FHOD3: variants seen among roughly 807,000 people sequenced by gnomAD.
The protein encoded by FHOD3 is FH1/FH2 domain-containing protein 3.
Under a neutral mutation model 173.0 loss-of-function variants are expected in FHOD3, and 90 were observed. The ratio of observed to expected loss-of-function variants is 0.52; its 90% confidence interval spans 0.44 to 0.62. FHOD3 has a LOEUF of 0.62. FHOD3 is among the 20% of genes least tolerant of loss of function. The pLI, the probability that FHOD3 is intolerant of heterozygous loss-of-function variation, is 0.00. For synonymous variants in FHOD3, 828 were observed against 823.0 expected (o/e 1.01, Z -0.10); for missense variants, 1,945 against 2,034.7 (o/e 0.96, Z 0.85).
chr18:36,772,508 C>T (rs934032827), intron 28 of FHOD3, among the ~76,000 whole-genome samples: 3 of 152,248 alleles, frequency 2.0e-5, no homozygotes, highest in African/African-American at 7.2e-5. Context: ...TAGTTCTGCT[C>T]TTGCAGGAAA....
intron 1 of FHOD3, among the ~76,000 whole-genome samples, chr18:36,330,373 G>A (rs1418657078): frequency 1.3e-5 from 2 of 152,160 alleles, no homozygotes; most frequent in African/African-American, 2.4e-5. Context: ...GAGCACTGTC[G>A]AGTGCTCTAT....
chr18:36,526,048 C>G (rs1166987735), intron 5 of FHOD3, among the ~76,000 whole-genome samples: 2 of 152,240 alleles, frequency 1.3e-5, no homozygotes, highest in East Asian at 3.8e-4. Flanking sequence ...GCCACCCTTG[C>G]TCTTCTTCAG....
At chr18:36,712,509 T>G (rs1163737801) in intron 18 of FHOD3, among the ~76,000 whole-genome samples, 1 of 151,320 alleles carries the variant, frequency 6.6e-6, no homozygotes, top group Non-Finnish European at 1.5e-5. Context: ...AATAGTAGAT[T>G]GGAGACAACA....
At chr18:36,312,645 A>G (rs759188004) in intron 1 of FHOD3, among the ~76,000 whole-genome samples, 7 of 152,176 alleles carry the variant, frequency 4.6e-5, no homozygotes, top group Non-Finnish European at 1.0e-4. Flanking sequence ...CTTGGAGTCT[A>G]CCTGCTTCTC....
intron 6 of FHOD3, 109 bp downstream of exon 6, chr18:36,576,654 C>A: frequency 1.3e-6 from 1 of 743,344 alleles, no homozygotes; most frequent in Non-Finnish European, 2.2e-6. Context: ...TTTTTTCAAG[C>A]CGTTACAGTA....
intron 28 of FHOD3, among the ~76,000 whole-genome samples, chr18:36,772,856 C>T (rs1187950454): frequency 2.0e-5 from 3 of 152,204 alleles, no homozygotes; most frequent in African/African-American, 7.2e-5. Flanking sequence ...CAGATTCTAT[C>T]CAAGGATCTC....
chr18:36,694,976 G>GGGGTGT (rs138882850), intron 17 of FHOD3, among the ~76,000 whole-genome samples: 3 of 149,144 alleles, frequency 2.0e-5, no homozygotes, highest in African/African-American at 7.4e-5. Context: ...TGTATACGTG[G>GGGGTGT]GTGTGTGTGT....
chr18:36,418,721 C>T (rs772375787), intron 3 of FHOD3, among the ~76,000 whole-genome samples: 7 of 151,958 alleles, frequency 4.6e-5, no homozygotes, highest in African/African-American at 1.2e-4. Flanking sequence ...TTGAGACCAC[C>T]GTGGGCAATA....
At chr18:36,574,553 A>G (rs1305512128) in intron 5 of FHOD3, among the ~76,000 whole-genome samples, 1 of 152,154 alleles carries the variant, frequency 6.6e-6, no homozygotes, top group African/African-American at 2.4e-5. Flanking sequence ...GCTGCATTCA[A>G]ATGCTGCATA....
At chr18:36,541,321 G>A (rs574702725) in intron 5 of FHOD3, among the ~76,000 whole-genome samples, 62 of 151,248 alleles carry the variant, frequency 4.1e-4, no homozygotes, top group Middle Eastern at 3.4e-3. Context: ...CCTCATGCCT[G>A]TAATCCCAGC....
intron 2 of FHOD3, among the ~76,000 whole-genome samples, chr18:36,363,658 G>A (rs912071045): frequency 6.6e-6 from 1 of 152,136 alleles, no homozygotes; most frequent in Non-Finnish European, 1.5e-5. Context: ...TGGGTAGGGA[G>A]GGATGAACAG....
chr18:36,297,869 G>A lies in FHOD3; in HGVS notation c.34G>A (p.Asp12Asn). The A allele has an allele frequency of 1.3e-6, 2 of 1,545,344 alleles. No homozygotes were observed. Among genetic ancestry groups the A allele is most frequent in the South Asian group, 2.4e-5 (2 of 83,300 alleles). Residue 12 changes from aspartate (D) to asparagine (N), a missense_variant, in exon 1 of 29, where the codon GAC (aspartate) becomes AAC (asparagine). Transcript: ENST00000590592. ...GCTGGCTTGCCGGGTGCAGTTCTTG[G>A]ACGACACGGACCCTTTCAACAGCAC... ...ATLACRVQFL[D>N]DTDPFNSTNF...
Position 36,779,754 on chromosome 18 carries a change from C to T in FHOD3, c.*224C>T. 1 of 551,192 alleles carries T rather than the reference C, an allele frequency of 1.8e-6. No individual in the cohort carries two copies. The highest frequency in any genetic ancestry group is 3.2e-6 in the Non-Finnish European group (1 of 311,112). The allele number at this position is 551,192 out of a possible 1,614,324, so 34.1% of individuals were successfully genotyped here. A position where few individuals can be genotyped will look rare whatever the true frequency, so the allele number is the denominator to read the frequency against. ...CTTCTCCATCGTGTCAGCTGTGTTT[C>T]TCTTGATTCCGTGACACCCGGTTTA... On this transcript the variant is annotated 3_prime_UTR_variant, in exon 29 of 29. Transcript: ENST00000590592.
At chr18:36,465,998 C>T (rs560921030) in intron 3 of FHOD3, among the ~76,000 whole-genome samples, 2 of 152,276 alleles carry the variant, frequency 1.3e-5, no homozygotes, top group South Asian at 2.1e-4. Context: ...GACCACAATC[C>T]GGCTTTCTCA....
At chr18:36,652,035 C>G (rs1348052498) in intron 11 of FHOD3, among the ~76,000 whole-genome samples, 1 of 152,210 alleles carries the variant, frequency 6.6e-6, no homozygotes, top group East Asian at 1.9e-4. Flanking sequence ...TCCTCGCTGG[C>G]ATTTTTTCTC....
chr18:36,727,550 TATGGGTGGAAGTGCTCTGCAA>T (rs1163245332), intron 19 of FHOD3, among the ~76,000 whole-genome samples: 2 of 152,174 alleles, frequency 1.3e-5, no homozygotes, highest in Non-Finnish European at 2.9e-5. Flanking sequence ...TCCTTCATGA[TATGGGTGGAAGTGCTCTGCAA>T]ATGTGCAGAA....
At chr18:36,699,709 A>G (rs546931814) in intron 17 of FHOD3, among the ~76,000 whole-genome samples, 41 of 152,236 alleles carry the variant, frequency 2.7e-4, no homozygotes, top group African/African-American at 8.9e-4. Flanking sequence ...AAATGATACA[A>G]CACCTGCAGT....
At chr18:36,323,477 A>T (rs1209905425) in intron 1 of FHOD3, among the ~76,000 whole-genome samples, 2 of 152,140 alleles carry the variant, frequency 1.3e-5, no homozygotes, top group African/African-American at 4.8e-5. Flanking sequence ...AGGCATCAGG[A>T]TGCCTTTACC....
chr18:36,378,460 G>A (rs1406453685), intron 3 of FHOD3, among the ~76,000 whole-genome samples: 6 of 151,872 alleles, frequency 4.0e-5, no homozygotes, highest in African/African-American at 9.7e-5. Flanking sequence ...CTTAGGTCTC[G>A]GCTGAGGGAG....
Sources: allele counts gnomAD v4.1 joint callset (sites outside exome capture counted in the v4.1 genomes callset), GRCh38; gene constraint gnomAD v4.1.1; transcripts MANE v1.5; gene names NCBI Gene and HGNC (gene_info 2026-07-23, HGNC 2026-07-21).